Variants in TTC3 observed in about 807,000 individuals in gnomAD.
TTC3 encodes the protein tetratricopeptide repeat domain 3, also known as E3 ubiquitin-protein ligase TTC3.
TTC3 carries 180 observed loss-of-function variants against 249.6 expected under a neutral mutation model. That is an observed-to-expected ratio of 0.72 (90% CI 0.64 to 0.82). The LOEUF (loss-of-function observed/expected upper bound fraction) is 0.82. Among genes scored for constraint, TTC3 ranks in the 40% least tolerant of loss-of-function variants. The pLI, the probability that TTC3 is intolerant of heterozygous loss-of-function variation, is 0.00. For synonymous variants in TTC3, 717 were observed against 805.0 expected (o/e 0.89, Z 1.85); for missense variants, 2,061 against 2,398.4 (o/e 0.86, Z 2.94).
intron 11 of TTC3, among the ~76,000 whole-genome samples, chr21:37,115,033 G>A (rs2076009762): frequency 6.6e-6 from 1 of 152,062 alleles, no homozygotes. Context: ...GGCCTGTTGT[G>A]AGGTGGGAGG....
intron 36 of TTC3, among the ~76,000 whole-genome samples, chr21:37,183,450 C>T (rs1043645565): frequency 6.6e-6 from 1 of 152,166 alleles, no homozygotes; most frequent in African/African-American, 2.4e-5. Context: ...CTGCTCTTAA[C>T]AGTGATAGGT....
At chr21:37,135,128 G>C (rs796930297) in intron 17 of TTC3, among the ~76,000 whole-genome samples, 5 of 152,328 alleles carry the variant, frequency 3.3e-5, no homozygotes, top group African/African-American at 1.2e-4. Context: ...TTAGTACCAT[G>C]TAGTGTAAAA....
intron 7 of TTC3, 117 bp from the exon 8 acceptor site, chr21:37,093,888 T>G (rs1305075434): frequency 1.7e-5 from 10 of 592,442 alleles, no homozygotes; most frequent in Non-Finnish European, 3.0e-5. Context: ...TTAGAAAGAA[T>G]AATAATATAG....
chr21:37,156,595 T>C (rs2080112536), intron 27 of TTC3, 60 bp from the exon 28 acceptor site: 3 of 1,546,198 alleles, frequency 1.9e-6, no homozygotes, highest in Non-Finnish European at 2.6e-6. Context: ...TGAAACTAAA[T>C]GTGATTTTAC....
chr21:37,087,738 C>A, intron 2 of TTC3, 95 bp from the exon 3 acceptor site: 2 of 952,766 alleles, frequency 2.1e-6, no homozygotes, highest in South Asian at 1.5e-5. Context: ...AAATAAATGC[C>A]CACTGAAAGT....
chr21:37,080,260 ACT>A (rs1214838117), intron 1 of TTC3, among the ~76,000 whole-genome samples: 1 of 151,936 alleles, frequency 6.6e-6, no homozygotes, highest in African/African-American at 2.4e-5. Context: ...TTTTTCTTTG[ACT>A]TATGAGTTAC....
chr21:37,138,334 T>A (rs1454116851), intron 18 of TTC3, among the ~76,000 whole-genome samples: 1 of 152,232 alleles, frequency 6.6e-6, no homozygotes, highest in Non-Finnish European at 1.5e-5. Flanking sequence ...CTGTCACTAG[T>A]ACTGCTTATA....
At chr21:37,102,530 T>C (rs1249588030) in intron 10 of TTC3, among the ~76,000 whole-genome samples, 3 of 152,194 alleles carry the variant, frequency 2.0e-5, no homozygotes, top group African/African-American at 4.8e-5. Context: ...TTAAGTCTGA[T>C]AGTCAAGGGG....
At chr21:37,083,547 C>A in intron 1 of TTC3, 1 of 361,448 alleles carries the variant, frequency 2.8e-6, no homozygotes, top group Non-Finnish European at 3.9e-6. Context: ...GCAGAAATGA[C>A]AAGAGTTAGT....
At chr21:37,140,365 T>C (rs892088434) in intron 19 of TTC3, among the ~76,000 whole-genome samples, 196 bp from the exon 20 acceptor site, 35 of 152,236 alleles carry the variant, frequency 2.3e-4, no homozygotes. Context: ...GGTTTGGTTG[T>C]GTCTCTGACT....
intron 35 of TTC3, among the ~76,000 whole-genome samples, chr21:37,181,050 G>A (rs145566378): frequency 2.6e-5 from 4 of 152,102 alleles, no homozygotes; most frequent in Admixed American, 1.3e-4. Flanking sequence ...AAAGAAAAAC[G>A]TTCAGGAGAT....
At chr21:37,164,951 T>C (rs991754715) in intron 32 of TTC3, among the ~76,000 whole-genome samples, 7 of 152,212 alleles carry the variant, frequency 4.6e-5, no homozygotes, top group African/African-American at 1.7e-4. Flanking sequence ...TCCTATTTAG[T>C]TCTGTGCTCT....
intron 7 of TTC3, among the ~76,000 whole-genome samples, chr21:37,091,904 A>G (rs1033856526): frequency 8.5e-5 from 13 of 152,144 alleles, no homozygotes; most frequent in Non-Finnish European, 1.8e-4. Flanking sequence ...TCAAACTGGT[A>G]GTTTTATTCT....
At chr21:37,113,489 G>T (rs546789236) in intron 11 of TTC3, among the ~76,000 whole-genome samples, 1 of 152,250 alleles carries the variant, frequency 6.6e-6, no homozygotes, top group East Asian at 1.9e-4. Flanking sequence ...GGATGTGAAG[G>T]ACCTCTTCAA....
At chr21:37,174,336 A>G (rs2082057365) in intron 35 of TTC3, among the ~76,000 whole-genome samples, 1 of 152,224 alleles carries the variant, frequency 6.6e-6, no homozygotes, top group Non-Finnish European at 1.5e-5. Context: ...AGGCCTGATA[A>G]GTTATTAGAC....
chr21:37,080,610 A>G (rs1341140698), intron 1 of TTC3, among the ~76,000 whole-genome samples: 2 of 152,184 alleles, frequency 1.3e-5, no homozygotes, highest in East Asian at 1.9e-4. Flanking sequence ...CTGTAGTTCT[A>G]ACAATTTTTG....
At chr21:37,103,876 T>C (rs1399051041) in intron 10 of TTC3, among the ~76,000 whole-genome samples, 1 of 152,186 alleles carries the variant, frequency 6.6e-6, no homozygotes, top group South Asian at 2.1e-4. Context: ...GTAGGCTGTG[T>C]TAAGGCTTTT....
chr21:37,154,488 A>T (rs898951418), intron 27 of TTC3, among the ~76,000 whole-genome samples: 5 of 152,184 alleles, frequency 3.3e-5, no homozygotes, highest in Non-Finnish European at 4.4e-5. Flanking sequence ...ACTAGTGAGT[A>T]TCAAGTAAGC....
intron 5 of TTC3, 92 bp downstream of exon 5, chr21:37,088,978 A>G: frequency 9.0e-7 from 1 of 1,115,072 alleles, no homozygotes; most frequent in Non-Finnish European, 1.3e-6. Flanking sequence ...ATTTATAGCA[A>G]TTAACAGGTA....
Sources: allele counts gnomAD v4.1 joint callset (sites outside exome capture counted in the v4.1 genomes callset), GRCh38; gene constraint gnomAD v4.1.1; transcripts MANE v1.5; gene names NCBI Gene and HGNC (gene_info 2026-07-23, HGNC 2026-07-21).